ICE2: variants seen among roughly 807,000 people sequenced by gnomAD.
ICE2 encodes little elongation complex subunit 2.
A neutral mutation model predicts 105.4 loss-of-function variants in ICE2; 87 were observed. The ratio of observed to expected loss-of-function variants is 0.83; its 90% CI spans 0.69 to 0.99. ICE2 has a LOEUF of 0.99. Ranked by LOEUF, ICE2 falls within the 50% of genes least tolerant of loss-of-function variation. The pLI is 0.00. For synonymous variants in ICE2, 399 were observed against 392.0 expected, an observed-to-expected ratio of 1.02 and a Z score of -0.21; for missense variants, 1,323 against 1,146.7, an observed-to-expected ratio of 1.15 and a Z score of -2.22.
At chr15:60,450,114 AG>A (rs778868459) in intron 9 of ICE2, among the ~76,000 whole-genome samples, 10 of 152,218 alleles carry the variant, frequency 6.6e-5, no homozygotes, top group Non-Finnish European at 1.3e-4. Flanking sequence ...ACATCTCAAG[AG>A]GAATTTCAAC....
intron 5 of ICE2, among the ~76,000 whole-genome samples, chr15:60,464,712 C>T (rs963097347): frequency 6.6e-6 from 1 of 152,118 alleles, no homozygotes; most frequent in African/African-American, 2.4e-5. Context: ...AGAGATCATG[C>T]AGGCCACTGT....
chr15:60,477,812 T>A, intron 2 of ICE2, 125 bp downstream of exon 2: 1 of 843,378 alleles, frequency 1.2e-6, no homozygotes, highest in South Asian at 1.4e-5. Context: ...GGGTAAATTC[T>A]GAGACCCTAA....
chr15:60,454,477 A>G lies in ICE2; in HGVS notation c.943+526T>C, dbSNP rs1213251904. On this transcript the variant is annotated intron_variant, in intron 8 of 15. Coordinates refer to ENST00000261520, the MANE Select transcript of ICE2 (RefSeq NM_024611.6). ...TATTTCTTGGCCACCCTATGCCATCATTTTGTCTCTAACTCTCACCCTTAA... is the reference window on the plus strand; with the variant it reads ...TATTTCTTGGCCACCCTATGCCATCGTTTTGTCTCTAACTCTCACCCTTAA... Among the ~76,000 whole-genome samples the G allele has an allele frequency of 5.9e-5, 9 of 152,156 alleles. 1 individual carries two copies. Among genetic ancestry groups the G allele is most frequent in the East Asian group, 5.8e-4 (3 of 5,192 alleles).
At chr15:60,475,959 A>T (rs1299429101) in intron 3 of ICE2, 104 bp downstream of exon 3, 4 of 721,274 alleles carry the variant, frequency 5.5e-6, no homozygotes, top group Admixed American at 3.5e-5. Flanking sequence ...TACTTTAAAC[A>T]TTTCTATAAT....
chr15:60,442,916 C>A (rs753612763), intron 11 of ICE2: 13 of 157,664 alleles, frequency 8.2e-5, no homozygotes, highest in Non-Finnish European at 1.5e-4. Context: ...CTGGGAAGCA[C>A]TGACTTTTTT....
chr15:60,456,685 AATCCC>A lies in ICE2; in HGVS notation c.633_637del (p.Met211IlefsTer38). 1 of 1,594,264 alleles carries A rather than the reference AATCCC, an allele frequency of 6.3e-7. No homozygotes were observed. Among genetic ancestry groups the A allele is most frequent in the Non-Finnish European group, 8.5e-7 (1 of 1,171,952 alleles). ...TGCGAGAAGAGTTTTTTCTAACTTT[AATCCC>A]ATCTCTACTCTGAATGGGAAGAATC... On this transcript the variant is annotated frameshift_variant, in exon 6 of 16. Coordinates refer to ENST00000261520, the MANE Select transcript of ICE2 (RefSeq NM_024611.6). LOFTEE classifies it high-confidence loss of function.
chr15:60,456,580 T>C lies in ICE2; in HGVS notation c.666+77A>G, dbSNP rs879165902. On this transcript the variant is annotated intron_variant, in intron 6 of 15. Coordinates refer to ENST00000261520, the MANE Select transcript of ICE2 (RefSeq NM_024611.6). ...ATAAATAAATAAATATATATATATA[T>C]ATATACACACACACACACACACACA... The C allele has an allele frequency of 8.1e-3, 956 of 118,520 alleles. 35 individuals carry two copies. Among genetic ancestry groups the C allele is most frequent in the East Asian group, 0.042 (92 of 2,166 alleles). The allele number at this position is 118,520 out of a possible 1,614,324, so 7.3% of individuals were successfully genotyped here.
At chr15:60,454,536 C>A (rs2064048246) in intron 8 of ICE2, among the ~76,000 whole-genome samples, 1 of 152,140 alleles carries the variant, frequency 6.6e-6, no homozygotes, top group South Asian at 2.1e-4. Context: ...CTAATTAATT[C>A]ATTTAGTAGT....
At chr15:60,467,582 A>C (rs2064466212) in intron 4 of ICE2, among the ~76,000 whole-genome samples, 1 of 152,198 alleles carries the variant, frequency 6.6e-6, no homozygotes, top group African/African-American at 2.4e-5. Flanking sequence ...AGGTACAAAC[A>C]AACTGGTTTA....
intron 5 of ICE2, among the ~76,000 whole-genome samples, chr15:60,461,707 T>C (rs983207875): frequency 2.6e-5 from 4 of 152,220 alleles, no homozygotes; most frequent in Non-Finnish European, 4.4e-5. Context: ...TGAGGTATTT[T>C]TCCTTTAAAT....
chr15:60,473,258 G>T (rs1157117326), intron 3 of ICE2, among the ~76,000 whole-genome samples: 1 of 151,848 alleles, frequency 6.6e-6, no homozygotes, highest in African/African-American at 2.4e-5. Context: ...TTATTTGTGT[G>T]TGTGTGTGAG....
chr15:60,449,761 T>C lies in ICE2; in HGVS notation c.1206A>G (p.Glu402=). The C allele has an allele frequency of 6.2e-7, 1 of 1,614,092 alleles. No individual in the cohort carries two copies. The highest frequency in any genetic ancestry group is 1.1e-5 in the South Asian group (1 of 91,050). The change falls in exon 10 of 16, where the codon GAA becomes GAG. Residue 402 remains glutamate (E), a synonymous_variant. Transcript: ENST00000261520. Reference sequence around the variant, plus strand: ...TGGTGGTTACTCCAAAAGTTTCAAGTTCTGTGACATCATCATCAAAATCCA... The same window carrying C: ...TGGTGGTTACTCCAAAAGTTTCAAGCTCTGTGACATCATCATCAAAATCCA... The part of the protein sequence containing the change: ...LYLDFDDDVT[E]LETFGVTTTK...
chr15:60,421,799 A>ATTT lies in ICE2; in HGVS notation c.*1834_*1835insAAA, dbSNP rs753137718. The ATTT allele has an allele frequency of 6.6e-6, 1 of 152,218 alleles. No individual in the cohort carries two copies. Among genetic ancestry groups the ATTT allele is most frequent in the Non-Finnish European group, 1.5e-5 (1 of 68,046 alleles). The allele number at this position is 152,218 out of a possible 1,614,324, so 9.4% of individuals were successfully genotyped here. Reference sequence around the variant, plus strand: ...ATAAAAAAACTCAGTGTTTTATAAAAGGGAATGGCAGGATGAGGAAATGAT... The same window carrying ATTT: ...ATAAAAAAACTCAGTGTTTTATAAAATTTGGGAATGGCAGGATGAGGAAATGAT... On this transcript the variant is annotated 3_prime_UTR_variant, in exon 16 of 16. Transcript: ENST00000261520.
chr15:60,431,300 T>C (rs1428333030), intron 14 of ICE2, among the ~76,000 whole-genome samples: 1 of 152,122 alleles, frequency 6.6e-6, no homozygotes, highest in Non-Finnish European at 1.5e-5. Context: ...TTATATTTAA[T>C]CGTTTTGCAG....
chr15:60,442,392 A>G, intron 12 of ICE2, 24 bp downstream of exon 12: 1 of 1,569,516 alleles, frequency 6.4e-7, no homozygotes. Context: ...TAAAAAGGAG[A>G]ATAAAGACTT....
intron 2 of ICE2, among the ~76,000 whole-genome samples, chr15:60,476,585 C>T (rs2064768906): frequency 6.6e-6 from 1 of 152,232 alleles, no homozygotes; most frequent in Admixed American, 6.5e-5. Context: ...TCATGCACTA[C>T]TGTGCTGAGC....
At chr15:60,428,712 C>A in intron 14 of ICE2, 25 bp from the exon 15 acceptor site, 1 of 1,603,558 alleles carries the variant, frequency 6.2e-7, no homozygotes, top group South Asian at 1.1e-5. Flanking sequence ...TGAAACTCAA[C>A]CCACTGGCTC....
Position 60,435,543 on chromosome 15 carries a change from G to A in ICE2, c.2510+600C>T, listed in dbSNP as rs567502666. Among the ~76,000 whole-genome samples the A allele has an allele frequency of 4.0e-5, 6 of 150,660 alleles. No homozygotes were observed. The East Asian group carries it at 7.8e-4, about 19-fold the overall frequency. On this transcript the variant is annotated intron_variant, in intron 13 of 15. Coordinates refer to ENST00000261520, the MANE Select transcript of ICE2 (RefSeq NM_024611.6). ...GAACCCAGGAGGTGGAGGCTGCAGT[G>A]AACTGAGATCACACCACTGCACTCT...
chr15:60,471,466 C>T (rs145872829), intron 3 of ICE2, among the ~76,000 whole-genome samples: 21 of 152,166 alleles, frequency 1.4e-4, no homozygotes, highest in Non-Finnish European at 2.9e-4. Flanking sequence ...AGAACATGTC[C>T]GTCCTTGTGC....
Sources: allele counts gnomAD v4.1 joint callset (sites outside exome capture counted in the v4.1 genomes callset), GRCh38; gene constraint gnomAD v4.1.1; transcripts MANE v1.5; gene names NCBI Gene and HGNC (gene_info 2026-07-23, HGNC 2026-07-21).